Variants in KCND3 observed in about 807,000 individuals in gnomAD.
KCND3 encodes the protein potassium voltage-gated channel subfamily D member 3, also known as A-type voltage-gated potassium channel KCND3.
KCND3 carries 9 observed loss-of-function variants against 51.1 expected under a neutral mutation model. The ratio of observed to expected loss-of-function variants is 0.18; its 90% CI spans 0.11 to 0.31. KCND3 has a LOEUF of 0.31. Ranked by LOEUF, KCND3 falls within the 10% of genes least tolerant of loss-of-function variation. KCND3 has a pLI of 1.00. For missense variants in KCND3, 526 were observed against 903.8 expected (o/e 0.58, Z 5.36); for synonymous variants, 349 against 368.0 (o/e 0.95, Z 0.59).
At chr1:111,926,444 A>G (rs1671701460) in intron 2 of KCND3, among the ~76,000 whole-genome samples, 1 of 152,254 alleles carries the variant, frequency 6.6e-6, no homozygotes, top group African/African-American at 2.4e-5. Flanking sequence ...CCAGATGGGA[A>G]CTGGCAGGCC....
chr1:111,934,665 A>C (rs984302385), intron 2 of KCND3, among the ~76,000 whole-genome samples: 9 of 152,336 alleles, frequency 5.9e-5, no homozygotes, highest in African/African-American at 2.2e-4. Context: ...ATGTTTGTGC[A>C]TGTGTGTGCG....
chr1:111,836,428 A>G (rs1667068609), intron 2 of KCND3, among the ~76,000 whole-genome samples: 1 of 152,180 alleles, frequency 6.6e-6, no homozygotes, highest in African/African-American at 2.4e-5. Flanking sequence ...CTCAACTGGC[A>G]AGATTTTGAT....
At chr1:111,965,228 G>C (rs978697923) in intron 2 of KCND3, among the ~76,000 whole-genome samples, 1 of 151,956 alleles carries the variant, frequency 6.6e-6, no homozygotes, top group Non-Finnish European at 1.5e-5. Flanking sequence ...TGGGTCAGAG[G>C]CTCATCTAAG....
At position 111,780,670 on chromosome 1, in the gene KCND3, C is replaced by T. The variant is rs775033504; in HGVS notation, c.1371+20G>A. The T allele has an allele frequency of 6.3e-7, 1 of 1,590,332 alleles. No individual in the cohort carries two copies. The highest frequency in any genetic ancestry group is 1.3e-5 in the African/African-American group (1 of 74,816). ...ATCTACCCCTTTATGTTCCCTAGCC[C>T]AGGTCCTCTAGGCACCTACCGTCAG... On this transcript the variant is annotated intron_variant, in intron 4 of 7. Coordinates refer to ENST00000302127, the MANE Select transcript of KCND3 (RefSeq NM_001378969.1). This position sits in a 1 kb window ranked among gnomAD's most constrained non-coding sequence, Gnocchi z 4.2.
chr1:111,795,893 C>T (rs1398657838), intron 2 of KCND3, among the ~76,000 whole-genome samples: 1 of 152,162 alleles, frequency 6.6e-6, no homozygotes, highest in Non-Finnish European at 1.5e-5. Flanking sequence ...CTGGTGTGAG[C>T]TGGTATCTCA....
chr1:111,907,455 T>C (rs1218186483), intron 2 of KCND3, among the ~76,000 whole-genome samples: 2 of 152,188 alleles, frequency 1.3e-5, no homozygotes, highest in Non-Finnish European at 2.9e-5. Flanking sequence ...TCAGCTGTCA[T>C]GACAAGAGGT....
At chr1:111,976,986 T>G (rs1447758944) in intron 2 of KCND3, among the ~76,000 whole-genome samples, 1 of 152,232 alleles carries the variant, frequency 6.6e-6, no homozygotes, top group African/African-American at 2.4e-5. Context: ...GCACCCTCTC[T>G]TAAGAATTTC....
intron 1 of KCND3, among the ~76,000 whole-genome samples, chr1:111,987,367 A>C (rs762180259): frequency 2.0e-5 from 3 of 152,086 alleles, no homozygotes; most frequent in Non-Finnish European, 2.9e-5. Flanking sequence ...CCAAATGTTT[A>C]CCCCATGCGT....
At chr1:111,889,239 C>T (rs1014429557) in intron 2 of KCND3, among the ~76,000 whole-genome samples, 2 of 152,232 alleles carry the variant, frequency 1.3e-5, no homozygotes, top group Admixed American at 1.3e-4. Flanking sequence ...ACAGACACCG[C>T]AGCCTTGCCA....
Position 111,777,247 on chromosome 1 carries a change from C to T in KCND3, c.1545G>A (p.Met515Ile), listed in dbSNP as rs761666801. 1 of 1,614,176 alleles carries T rather than the reference C, an allele frequency of 6.2e-7. No homozygotes were observed. The highest frequency in any genetic ancestry group is 8.5e-7 in the Non-Finnish European group (1 of 1,180,044). ...IKNHEFIDEQ[M>I]FEQNCMESSM... The stretch of plus-strand genomic sequence containing the variant: ...AACTCTCCATGCAGTTCTGCTCAAA[C>T]ATCTGCTCATCAATAAACTCGTGGT... The change falls in exon 7 of 8, where the codon ATG becomes ATA. Residue 515 changes from methionine (M) to isoleucine (I), a missense_variant. Coordinates refer to ENST00000302127, the MANE Select transcript of KCND3 (RefSeq NM_001378969.1).
chr1:111,981,740 G>C lies in KCND3; in HGVS notation c.987C>G (p.Thr329=). ...SELGFLLFSL[T]MAIIIFATVM... ...CAGTGGCAAAGATGATGATGGCCAT[G>C]GTGAGGGAGAAGAGAAGAAAGCCCA... Residue 329 remains threonine, a synonymous_variant, in exon 2 of 8, where the codon ACC becomes ACG. Coordinates refer to ENST00000302127, the MANE Select transcript of KCND3 (RefSeq NM_001378969.1). This position sits in a 1 kb window ranked among gnomAD's most constrained non-coding sequence, Gnocchi z 6.2. The C allele has an allele frequency of 6.2e-7, 1 of 1,614,184 alleles. No homozygotes were observed.
chr1:111,805,045 G>A (rs1415768450), intron 2 of KCND3, among the ~76,000 whole-genome samples: 1 of 152,156 alleles, frequency 6.6e-6, no homozygotes, highest in African/African-American at 2.4e-5. Context: ...GCAGGGTGGC[G>A]GGTGGATCAC....
intron 2 of KCND3, among the ~76,000 whole-genome samples, chr1:111,819,020 G>A (rs554186902): frequency 7.0e-4 from 106 of 152,224 alleles, no homozygotes; most frequent in Admixed American, 1.6e-3. Context: ...TTTAGAGATA[G>A]GGTCTTGCTC....
chr1:111,849,622 G>A (rs560231672), intron 2 of KCND3, among the ~76,000 whole-genome samples: 10 of 152,332 alleles, frequency 6.6e-5, no homozygotes, highest in African/African-American at 2.4e-4. Context: ...CGGCTTCAAG[G>A]CCACTGGTAC....
At chr1:111,777,353 C>T in intron 6 of KCND3, 80 bp from the exon 7 acceptor site, 1 of 1,486,606 alleles carries the variant, frequency 6.7e-7, no homozygotes, top group East Asian at 2.3e-5. Flanking sequence ...GTATGGCTGC[C>T]TGTCTCTGTT....
At position 111,982,208 on chromosome 1, in the gene KCND3, G is replaced by C. The variant is rs144600384; in HGVS notation, c.519C>G (p.Phe173Leu). 6.2e-7 allele frequency: 1 copy of C among 1,613,946 alleles called. No homozygotes were observed. The highest frequency in any genetic ancestry group is 1.3e-5 in the African/African-American group (1 of 74,920). The change falls in exon 2 of 8, where the codon TTC (phenylalanine) becomes TTG (leucine). Residue 173 changes from phenylalanine (F) to leucine (L), a missense_variant. Physicochemically the swap from Phe to Leu is conservative, Grantham distance 22. Transcript: ENST00000302127. This position sits in a 1 kb window ranked among gnomAD's most constrained non-coding sequence, Gnocchi z 8.5. ...LSFRQTMWRA[F>L]ENPHTSTLAL... ...CCAGCGTGCTGGTGTGGGGGTTCTC[G>C]AAGGCCCGCCACATGGTCTGGCGGA...
At chr1:111,904,719 G>A (rs964938200) in intron 2 of KCND3, among the ~76,000 whole-genome samples, 2 of 152,186 alleles carry the variant, frequency 1.3e-5, no homozygotes, top group South Asian at 2.1e-4. Flanking sequence ...CGTGACAGCC[G>A]CCCCTGCTTA....
chr1:111,896,125 G>C (rs995391056), intron 2 of KCND3, among the ~76,000 whole-genome samples: 1 of 152,222 alleles, frequency 6.6e-6, no homozygotes, highest in Non-Finnish European at 1.5e-5. Flanking sequence ...CCAGCCCCAC[G>C]GTGCTGAGGG....
Position 111,982,738 on chromosome 1 carries a change from C to T in KCND3, c.-12G>A, listed in dbSNP as rs1386440061. On this transcript the variant is annotated 5_prime_UTR_variant, in exon 2 of 8. Transcript: ENST00000302127. This position sits in a 1 kb window ranked among gnomAD's most constrained non-coding sequence, Gnocchi z 8.5. ...ACTCCGGCCGCCATGGTGACTCCAG[C>T]TCTTGGGCCGGCAGCCGCGCGGACG... 3 of 1,599,738 alleles carry T rather than the reference C, an allele frequency of 1.9e-6. No individual in the cohort carries two copies. The highest frequency in any genetic ancestry group is 2.5e-6 in the Non-Finnish European group (3 of 1,178,558).
Sources: gnomAD v4.1 joint callset for allele counts (sites outside exome capture counted in the v4.1 genomes callset) on GRCh38, gnomAD v4.1.1 for gene constraint, Gnocchi (gnomAD v3.1) non-coding constraint, MANE v1.5 for transcripts, NCBI Gene and HGNC (gene_info 2026-07-23, HGNC 2026-07-21) for gene names.